Variants in CCNH observed in about 807,000 individuals in gnomAD.
CCNH encodes cyclin-H.
A neutral mutation model predicts 41.9 loss-of-function variants in CCNH; 31 were observed. The observed-to-expected ratio is 0.74, with a 90% CI of 0.56 to 1.00. The LOEUF (loss-of-function observed/expected upper bound fraction) is 1.00. CCNH is among the 50% of genes least tolerant of loss of function. The probability of loss-of-function intolerance (pLI) is 0.00; values close to 1 mark genes in which losing one functional copy is unlikely to be tolerated. For missense variants in CCNH, 362 were observed against 388.4 expected, an observed-to-expected ratio of 0.93 and a Z score of 0.57; for synonymous variants, 138 against 136.1, an observed-to-expected ratio of 1.01 and a Z score of -0.10.
chr5:87,397,447 A>G (rs1763058520), intron 7 of CCNH, among the ~76,000 whole-genome samples: 2 of 152,236 alleles, frequency 1.3e-5, no homozygotes, highest in Admixed American at 1.3e-4. Flanking sequence ...GGCATGAGCC[A>G]CTGTGCCCGG....
upstream of CCNH, chr5:87,378,359 C>T: frequency 6.2e-7 from 1 of 1,607,246 alleles, no homozygotes; most frequent in South Asian, 1.1e-5. Flanking sequence ...TAGGTCAGTC[C>T]TTTACAAATA....
downstream of CCNH, among the ~76,000 whole-genome samples, chr5:87,371,375 C>A (rs1760927837): frequency 6.6e-6 from 1 of 151,894 alleles, no homozygotes; most frequent in Non-Finnish European, 1.5e-5. Context: ...ATTGAAATAG[C>A]CAACAAACTA....
At position 87,408,020 on chromosome 5, in the gene CCNH, G is replaced by C. The variant is rs765894978; in HGVS notation, c.481C>G (p.His161Asp). Residue 161 changes from histidine to aspartate, a missense_variant, in exon 4 of 9, where the codon CAC becomes GAC. Coordinates refer to ENST00000256897, the MANE Select transcript of CCNH (RefSeq NM_001239.4). ...CCCTCAAATGGTCTGTAAGGATTGTGGACAATAAGGTGGAAATTAAGTTGC... is the reference window on the plus strand; with the variant it reads ...CCCTCAAATGGTCTGTAAGGATTGTCGACAATAAGGTGGAAATTAAGTTGC... ...IQQLNFHLIV[H>D]NPYRPFEGFL... 6.2e-7 allele frequency: 1 copy of C among 1,613,658 alleles called. No individual in the cohort carries two copies. Among genetic ancestry groups the C allele is most frequent in the Admixed American group, 1.7e-5 (1 of 60,006 alleles).
At position 87,412,897 on chromosome 5, in the gene CCNH, C is replaced by A; in HGVS notation, c.-103G>T. On this transcript the variant is annotated 5_prime_UTR_variant, in exon 1 of 9. Coordinates refer to ENST00000256897, the MANE Select transcript of CCNH (RefSeq NM_001239.4). Reference sequence around the variant, plus strand: ...ACCCCCACCGAAGATCTCGCGGAAGCCTAGGGCGTCCGGCTAGCCGGCGCT... The same window carrying A: ...ACCCCCACCGAAGATCTCGCGGAAGACTAGGGCGTCCGGCTAGCCGGCGCT... The A allele has an allele frequency of 6.6e-7, 1 of 1,509,618 alleles. No homozygotes were observed. The allele number at this position is 1,509,618 out of a possible 1,614,324, so 93.5% of individuals were successfully genotyped here.
chr5:87,411,277 T>A lies in CCNH; in HGVS notation c.187A>T (p.Arg63Trp), dbSNP rs1423751655. 1 of 1,612,648 alleles carries A rather than the reference T, an allele frequency of 6.2e-7. No individual in the cohort carries two copies. The highest frequency in any genetic ancestry group is 2.2e-5 in the East Asian group (1 of 44,778). ...EMTLCKYYEKRLLEFCSVFKP... is the reference protein window; with the variant it reads ...EMTLCKYYEKWLLEFCSVFKP... ...AACACCGAACAGAATTCCAATAACC[T>A]TTTCTCATAGTATTTGCAGAGTGTC... The change falls in exon 2 of 9, where the codon AGG (arginine) becomes TGG (tryptophan). Residue 63 changes from arginine (R) to tryptophan (W), a missense_variant. By Grantham distance (101) the Arg-to-Trp change is moderately radical. Transcript: ENST00000256897.
intron 8 of CCNH, 185 bp downstream of exon 8, chr5:87,394,859 A>G: frequency 7.2e-7 from 1 of 1,389,090 alleles, no homozygotes; most frequent in Non-Finnish European, 9.3e-7. Context: ...CATTAAATAA[A>G]GACAGAAGAG....
At chr5:87,315,095 A>G (rs1756223412), downstream of CCNH, among the ~76,000 whole-genome samples, 1 of 152,248 alleles carries the variant, frequency 6.6e-6, no homozygotes, top group Non-Finnish European at 1.5e-5. Flanking sequence ...TGATTGTCAT[A>G]TTCACTATGT....
At chr5:87,355,536 C>T (rs1474449169) in intron 9 of CCNH, among the ~76,000 whole-genome samples, 1 of 152,168 alleles carries the variant, frequency 6.6e-6, no homozygotes. Context: ...CAATGCACCT[C>T]TACAATCAAG....
intron 4 of CCNH, 31 bp downstream of exon 4, chr5:87,407,945 G>A (rs748053267): frequency 1.7e-5 from 24 of 1,431,300 alleles, no homozygotes; most frequent in Non-Finnish European, 2.3e-5. Context: ...AAAGGAGAAT[G>A]TAGTATTAGT....
chr5:87,328,686 T>C (rs1757405215), intron 9 of CCNH, among the ~76,000 whole-genome samples: 1 of 152,254 alleles, frequency 6.6e-6, no homozygotes, highest in East Asian at 1.9e-4. Flanking sequence ...GAATATATGA[T>C]TCTCTATGCA....
Sources: gnomAD v4.1 joint callset for allele counts (sites outside exome capture counted in the v4.1 genomes callset) on GRCh38, gnomAD v4.1.1 for gene constraint, MANE v1.5 for transcripts, NCBI Gene and HGNC (gene_info 2026-07-23, HGNC 2026-07-21) for gene names.